CACNG4: variants seen among roughly 807,000 people sequenced by gnomAD.
CACNG4 encodes calcium voltage-gated channel auxiliary subunit gamma 4.
CACNG4 carries 8 observed loss-of-function variants against 22.9 expected under a neutral mutation model. The ratio of observed to expected loss-of-function variants is 0.35; its 90% CI spans 0.21 to 0.63. The LOEUF (loss-of-function observed/expected upper bound fraction) is 0.63. Ranked by LOEUF, CACNG4 falls within the 30% of genes least tolerant of loss-of-function variation. The probability of loss-of-function intolerance (pLI) is 0.72; values close to 1 mark genes in which losing one functional copy is unlikely to be tolerated. For missense variants in CACNG4, 357 were observed against 455.4 expected (o/e 0.78, Z 1.97); for synonymous variants, 188 against 191.9 (o/e 0.98, Z 0.17).
intron 1 of CACNG4, among the ~76,000 whole-genome samples, chr17:66,974,395 T>C (rs1030363644): frequency 6.6e-6 from 1 of 152,168 alleles, no homozygotes; most frequent in African/African-American, 2.4e-5. Context: ...ATGGACTCTG[T>C]TGAAAAGGCA....
chr17:66,964,892 C>A lies in CACNG4; in HGVS notation c.-20C>A. On this transcript the variant is annotated 5_prime_UTR_variant, in exon 1 of 4. Transcript: ENST00000262138. ...CGCGGCGGGCCGGGCCGGCGGGCGG[C>A]GGACTATGAGGCGCCCACCATGGTG... 2 of 1,361,104 alleles carry A rather than the reference C, an allele frequency of 1.5e-6. No individual in the cohort carries two copies. The highest frequency in any genetic ancestry group is 1.5e-5 in the South Asian group (1 of 66,934). The allele number at this position is 1,361,104 out of a possible 1,614,324, so 84.3% of individuals were successfully genotyped here. A position where few individuals can be genotyped will look rare whatever the true frequency, so the allele number is the denominator to read the frequency against.
chr17:66,992,698 G>A (rs2035348503), intron 1 of CACNG4, among the ~76,000 whole-genome samples: 2 of 152,236 alleles, frequency 1.3e-5, no homozygotes, highest in African/African-American at 4.8e-5. Context: ...AGAGGCTGTT[G>A]CGTTTGCACC....
intron 2 of CACNG4, among the ~76,000 whole-genome samples, chr17:67,024,642 G>A (rs1394180394): frequency 6.6e-6 from 1 of 152,240 alleles, no homozygotes; most frequent in Non-Finnish European, 1.5e-5. Context: ...GTGACTCCAG[G>A]GTGAAGGGCA....
At chr17:67,008,596 C>A (rs2035450761) in intron 1 of CACNG4, among the ~76,000 whole-genome samples, 1 of 152,098 alleles carries the variant, frequency 6.6e-6, no homozygotes, top group African/African-American at 2.4e-5. Flanking sequence ...GCACCCTACC[C>A]CATCCCCACC....
At chr17:67,012,810 G>A (rs1385917364) in intron 1 of CACNG4, among the ~76,000 whole-genome samples, 1 of 152,206 alleles carries the variant, frequency 6.6e-6, no homozygotes, top group Non-Finnish European at 1.5e-5. Context: ...ATGTGTGGCT[G>A]GGGTAAAAGA....
chr17:67,016,740 A>G (rs1433649980), intron 1 of CACNG4, among the ~76,000 whole-genome samples: 1 of 152,086 alleles, frequency 6.6e-6, no homozygotes. Flanking sequence ...TCTGACATGG[A>G]TAGGACGTGG....
Position 66,969,855 on chromosome 17 carries a change from C to T in CACNG4, c.220+4724C>T, listed in dbSNP as rs184252019. Among the ~76,000 whole-genome samples, 184 of 152,286 alleles carry T rather than the reference C, an allele frequency of 1.2e-3. 6 individuals carry two copies. Among genetic ancestry groups the T allele is most frequent in the Admixed American group, 0.012 (182 of 15,290 alleles). ...ATAGCCTTTCTCCACCCACTCCAGG[C>T]CTGGTGCTGGGCTTGAAACTTTTCT... On this transcript the variant is annotated intron_variant, in intron 1 of 3. Transcript: ENST00000262138.
rs531246315 is a variant in CACNG4, at chr17:67,025,444, G to A, written c.445+444G>A. Among the ~76,000 whole-genome samples, 18 of 152,358 alleles carry A rather than the reference G, an allele frequency of 1.2e-4. No individual in the cohort carries two copies. In the South Asian group the frequency reaches 3.3e-3, roughly 28 times the overall value. On this transcript the variant is annotated intron_variant, in intron 3 of 3. Coordinates refer to ENST00000262138, the MANE Select transcript of CACNG4 (RefSeq NM_014405.4). ...GCCCACGGGAATCATGCCAAAACTCGAAGGAGTTGGCCAGGTAAAGACAGG... is the reference window on the plus strand; with the variant it reads ...GCCCACGGGAATCATGCCAAAACTCAAAGGAGTTGGCCAGGTAAAGACAGG...
At chr17:66,982,794 G>A (rs1306426649) in intron 1 of CACNG4, among the ~76,000 whole-genome samples, 3 of 152,136 alleles carry the variant, frequency 2.0e-5, no homozygotes, top group African/African-American at 7.2e-5. Context: ...GGGCTCAAGC[G>A]ATCCTCCTGC....
rs573294882 is a variant in CACNG4, at chr17:66,965,837, C to A, written c.220+706C>A. Among the ~76,000 whole-genome samples, 40 of 152,280 alleles carry A rather than the reference C, an allele frequency of 2.6e-4. No individual in the cohort carries two copies. The South Asian group carries it at 8.3e-3, about 32-fold the overall frequency. ...TCTCCCACGGAGTCACCGGCCCGCTCCTCGCTGTGCGGTGGGGTGGTAAGG... is the reference window on the plus strand; with the variant it reads ...TCTCCCACGGAGTCACCGGCCCGCTACTCGCTGTGCGGTGGGGTGGTAAGG... On this transcript the variant is annotated intron_variant, in intron 1 of 3. Coordinates refer to ENST00000262138, the MANE Select transcript of CACNG4 (RefSeq NM_014405.4).
chr17:66,986,485 A>G (rs2035306382), intron 1 of CACNG4, among the ~76,000 whole-genome samples: 1 of 152,178 alleles, frequency 6.6e-6, no homozygotes, highest in Admixed American at 6.5e-5. Context: ...CCTTGGAAAT[A>G]GACTGGATGC....
In CACNG4 at chr17:66,995,669, G is replaced by A. The variant is rs149116590; in HGVS notation, c.221-22520G>A. ...GTTCGAGACCAGCCTGACCAAGATG[G>A]TGAAACCCCGTCTCTACTAAAAATA... On this transcript the variant is annotated intron_variant, in intron 1 of 3. Transcript: ENST00000262138. Among the ~76,000 whole-genome samples, 283 of 152,236 alleles carry A rather than the reference G, an allele frequency of 1.9e-3. 5 individuals carry two copies. Among genetic ancestry groups the A allele is most frequent in the East Asian group, 4.4e-3 (23 of 5,170 alleles).
intron 1 of CACNG4, among the ~76,000 whole-genome samples, chr17:66,973,927 A>C (rs1338664086): frequency 1.3e-5 from 2 of 152,154 alleles, no homozygotes; most frequent in Non-Finnish European, 2.9e-5. Flanking sequence ...TCTTTTCTGA[A>C]CTGCGAGGCA....
At chr17:66,994,346 CTG>C (rs1188956695) in intron 1 of CACNG4, among the ~76,000 whole-genome samples, 1 of 134,732 alleles carries the variant, frequency 7.4e-6, no homozygotes, top group Non-Finnish European at 1.7e-5. Context: ...AAAAAAAAAA[CTG>C]CGCCTCCGCT....
intron 2 of CACNG4, among the ~76,000 whole-genome samples, chr17:67,023,544 G>A (rs1056236745): frequency 1.3e-5 from 2 of 150,002 alleles, no homozygotes; most frequent in African/African-American, 4.9e-5. Flanking sequence ...CAAAGTGCTG[G>A]GATTACAGGC....
intron 1 of CACNG4, among the ~76,000 whole-genome samples, chr17:67,009,652 G>A (rs1254109260): frequency 4.6e-5 from 7 of 152,156 alleles, no homozygotes; most frequent in African/African-American, 1.7e-4. Context: ...ATTTCTCACA[G>A]TTCTGGAGGC....
At chr17:66,967,402 G>GT (rs1368786957) in intron 1 of CACNG4, among the ~76,000 whole-genome samples, 1 of 152,160 alleles carries the variant, frequency 6.6e-6, no homozygotes, top group African/African-American at 2.4e-5. Flanking sequence ...CATTGTGACA[G>GT]TCCCTCAACC....
At chr17:66,981,624 T>C (rs1019637031) in intron 1 of CACNG4, among the ~76,000 whole-genome samples, 11 of 152,184 alleles carry the variant, frequency 7.2e-5, no homozygotes, top group African/African-American at 2.7e-4. Flanking sequence ...AGTGGCCTCT[T>C]GAGCCGCCCG....
At position 67,009,187 on chromosome 17, in the gene CACNG4, C is replaced by A. The variant is rs187195424; in HGVS notation, c.221-9002C>A. On this transcript the variant is annotated intron_variant, in intron 1 of 3. Coordinates refer to ENST00000262138, the MANE Select transcript of CACNG4 (RefSeq NM_014405.4). ...CCTCACAGCCCTCAGGAGGAACCAA[C>A]CCCATCAACACCTTGATCTTGGGAC... 1.8e-3 allele frequency among the ~76,000 whole-genome samples: 280 copies of A among 152,298 alleles called. 1 individual carries two copies. The highest frequency in any genetic ancestry group is 6.4e-3 in the African/African-American group (267 of 41,570).
Sources: allele counts gnomAD v4.1 joint callset (sites outside exome capture counted in the v4.1 genomes callset), GRCh38; gene constraint gnomAD v4.1.1; transcripts MANE v1.5; gene names NCBI Gene and HGNC (gene_info 2026-07-23, HGNC 2026-07-21).